The following NMNAT3 variants were observed in gnomAD, a reference collection of about 807,000 sequenced individuals.
NMNAT3 encodes the protein nicotinamide nucleotide adenylyltransferase 3, also known as nicotinamide/nicotinic acid mononucleotide adenylyltransferase 3.
In NMNAT3, 21 loss-of-function variants were observed where a neutral mutation model predicts 24.8. The observed-to-expected ratio is 0.85, with a 90% CI of 0.60 to 1.22. The LOEUF (loss-of-function observed/expected upper bound fraction) is 1.22, where lower values mean the gene tolerates loss of function less well. Among genes scored for constraint, NMNAT3 ranks in the 50% most tolerant of loss-of-function variants. The pLI, the probability that NMNAT3 is intolerant of heterozygous loss-of-function variation, is 0.00. For missense variants in NMNAT3, 387 were observed against 436.6 expected (o/e 0.89, Z 1.01); for synonymous variants, 136 against 155.2 (o/e 0.88, Z 0.92).
intron 2 of NMNAT3, 92 bp downstream of exon 2, chr3:139,637,871 T>C (rs1425598493): frequency 6.6e-6 from 1 of 152,186 alleles, no homozygotes; most frequent in East Asian, 1.9e-4. Flanking sequence ...GTAGCCTCCA[T>C]TCTTTCCTTG....
intron 1 of NMNAT3, among the ~76,000 whole-genome samples, chr3:139,667,932 C>T (rs1050220107): frequency 2.0e-5 from 3 of 152,124 alleles, no homozygotes; most frequent in Non-Finnish European, 2.9e-5. Context: ...CATGAGAAAG[C>T]ATTCAACAGG....
chr3:139,585,827 A>G (rs1359598269), intron 3 of NMNAT3, among the ~76,000 whole-genome samples: 4 of 152,222 alleles, frequency 2.6e-5, no homozygotes, highest in Non-Finnish European at 5.9e-5. Context: ...ATTAGGGGGA[A>G]AAGGTGAATT....
At chr3:139,561,605 G>A (rs1181665536) in intron 6 of NMNAT3, among the ~76,000 whole-genome samples, 2 of 152,200 alleles carry the variant, frequency 1.3e-5, no homozygotes, top group African/African-American at 4.8e-5. Flanking sequence ...TACACCTTTT[G>A]TTTAATATTG....
At chr3:139,658,586 A>G (rs1270877327) in intron 1 of NMNAT3, among the ~76,000 whole-genome samples, 1 of 152,212 alleles carries the variant, frequency 6.6e-6, no homozygotes, top group African/African-American at 2.4e-5. Flanking sequence ...CTGGATATTC[A>G]CCACCTAGAT....
intron 2 of NMNAT3, chr3:139,637,543 G>GA (rs2108344704): frequency 6.6e-6 from 1 of 152,324 alleles, no homozygotes; most frequent in African/African-American, 2.4e-5. Flanking sequence ...CAGCCTTAGT[G>GA]AACCATATGG....
intron 3 of NMNAT3, among the ~76,000 whole-genome samples, chr3:139,591,269 G>A (rs1000335442): frequency 6.6e-6 from 1 of 151,846 alleles, no homozygotes; most frequent in African/African-American, 2.4e-5. Context: ...ACCGGCTTAA[G>A]AAACGGCGCA....
chr3:139,655,691 T>C (rs2057216919), intron 1 of NMNAT3, among the ~76,000 whole-genome samples: 1 of 152,260 alleles, frequency 6.6e-6, no homozygotes, highest in Admixed American at 6.5e-5. Context: ...TAGTAAGCAC[T>C]GCTGCATCTT....
At chr3:139,643,204 T>G (rs2056764446) in intron 1 of NMNAT3, among the ~76,000 whole-genome samples, 1 of 151,888 alleles carries the variant, frequency 6.6e-6, no homozygotes, top group South Asian at 2.1e-4. Context: ...AACTGAAAAA[T>G]AGAAAATACC....
intron 3 of NMNAT3, among the ~76,000 whole-genome samples, chr3:139,589,227 A>G (rs938345165): frequency 2.6e-5 from 4 of 152,244 alleles, no homozygotes; most frequent in African/African-American, 9.6e-5. Context: ...CAGTGAACTA[A>G]TAGAAATTTC....
chr3:139,670,935 T>C (rs977901079), intron 1 of NMNAT3, among the ~76,000 whole-genome samples: 1 of 152,128 alleles, frequency 6.6e-6, no homozygotes, highest in Non-Finnish European at 1.5e-5. Context: ...CTGCAGGCCA[T>C]TCAGCCAGGA....
intron 1 of NMNAT3, among the ~76,000 whole-genome samples, chr3:139,650,122 T>C (rs895450642): frequency 6.6e-6 from 1 of 152,202 alleles, no homozygotes; most frequent in African/African-American, 2.4e-5. Flanking sequence ...CAAATACTTC[T>C]TAAGCGATGG....
At chr3:139,576,158 A>T in intron 5 of NMNAT3, 2 of 985,424 alleles carry the variant, frequency 2.0e-6, no homozygotes, top group Non-Finnish European at 2.4e-6. Context: ...AGAGGACACT[A>T]AATGGAGCAA....
intron 1 of NMNAT3, among the ~76,000 whole-genome samples, chr3:139,648,722 G>T (rs1315317154): frequency 1.3e-5 from 2 of 152,166 alleles, no homozygotes; most frequent in African/African-American, 4.8e-5. Context: ...CTGCAATAGT[G>T]AAAAATTAGA....
At chr3:139,608,645 A>G (rs185699439) in intron 3 of NMNAT3, among the ~76,000 whole-genome samples, 152 of 152,308 alleles carry the variant, frequency 1.0e-3, no homozygotes, top group African/African-American at 3.4e-3. Flanking sequence ...GTTACCCCCA[A>G]TGGTAACATC....
intron 3 of NMNAT3, among the ~76,000 whole-genome samples, chr3:139,617,942 T>C (rs1303529982): frequency 6.6e-6 from 1 of 152,254 alleles, no homozygotes; most frequent in African/African-American, 2.4e-5. Context: ...TGCTGAATCA[T>C]TTTCTGTCAA....
Position 139,578,911 on chromosome 3 carries a change from C to A in NMNAT3, c.536G>T (p.Ser179Ile). 1.2e-6 allele frequency: 2 copies of A among 1,614,212 alleles called. No individual in the cohort carries two copies. Among genetic ancestry groups the A allele is most frequent in the Non-Finnish European group, 1.7e-6 (2 of 1,180,038 alleles). The change falls in exon 5 of 7, where the codon AGT (serine) becomes ATT (isoleucine). Residue 179 changes from serine (S) to isoleucine (I), a missense_variant. By Grantham distance (142) the Ser-to-Ile change is moderately radical. This residue lies in a region of NMNAT3 where 323 missense variants were observed against 345.2 expected (regional missense o/e 0.94). Coordinates refer to ENST00000643695, the MANE Select transcript of NMNAT3 (RefSeq NM_001320510.2). The stretch of plus-strand genomic sequence containing the variant: ...TGTCTCCATCCACTGTGCCTGCTCA[C>A]TCTCCCAAGGGTCCACCCGGATCCA...
intron 3 of NMNAT3, among the ~76,000 whole-genome samples, chr3:139,611,076 C>T (rs930229341): frequency 6.6e-6 from 1 of 152,010 alleles, no homozygotes; most frequent in African/African-American, 2.4e-5. Flanking sequence ...AGGCTTTGGA[C>T]TGGGTTGTTA....
At chr3:139,669,260 C>G (rs979194966) in intron 1 of NMNAT3, among the ~76,000 whole-genome samples, 2 of 151,862 alleles carry the variant, frequency 1.3e-5, no homozygotes, top group African/African-American at 4.8e-5. Flanking sequence ...ATCACTTGAG[C>G]CTTGGAGTTC....
At chr3:139,567,231 G>A (rs1180080725) in intron 6 of NMNAT3, 2 of 151,866 alleles carry the variant, frequency 1.3e-5, no homozygotes, top group Non-Finnish European at 2.9e-5. Context: ...CTTTGCTGAA[G>A]TTGCTTATCA....
Sources: allele counts gnomAD v4.1 joint callset (sites outside exome capture counted in the v4.1 genomes callset), GRCh38; gene constraint gnomAD v4.1.1; regional missense constraint gnomAD v4.1.1; transcripts MANE v1.5; gene names NCBI Gene and HGNC (gene_info 2026-07-23, HGNC 2026-07-21).